The following TIA1 variants were observed in gnomAD, a reference collection of about 807,000 sequenced individuals.
The protein encoded by TIA1 is TIA1 cytotoxic granule associated RNA binding protein.
Under a neutral mutation model 65.9 loss-of-function variants are expected in TIA1, and 23 were observed. That is an observed-to-expected ratio of 0.35 (90% CI 0.25 to 0.49). The LOEUF (loss-of-function observed/expected upper bound fraction) is 0.49, where lower values mean the gene tolerates loss of function less well. Among genes scored for constraint, TIA1 ranks in the 20% least tolerant of loss-of-function variants. The pLI, the probability that TIA1 is intolerant of heterozygous loss-of-function variation, is 0.98. For synonymous variants in TIA1, 147 were observed against 149.4 expected, an observed-to-expected ratio of 0.98 and a Z score of 0.12; for missense variants, 371 against 477.9, an observed-to-expected ratio of 0.78 and a Z score of 2.09.
intron 7 of TIA1, among the ~76,000 whole-genome samples, chr2:70,221,872 C>T (rs2104180513): frequency 6.6e-6 from 1 of 151,994 alleles, no homozygotes; most frequent in South Asian, 2.1e-4. Context: ...ACTGGATCCT[C>T]AACTTCCTGG....
intron 2 of TIA1, among the ~76,000 whole-genome samples, chr2:70,234,873 T>C (rs762426975): frequency 6.6e-6 from 1 of 152,024 alleles, no homozygotes; most frequent in Non-Finnish European, 1.5e-5. Flanking sequence ...TAATTACTTT[T>C]AAAAATATTA....
At chr2:70,238,260 GTTTTTTT>G (rs763865705) in intron 1 of TIA1, among the ~76,000 whole-genome samples, 6 of 94,596 alleles carry the variant, frequency 6.3e-5, no homozygotes, top group South Asian at 3.5e-4. Flanking sequence ...GTTCCCCCAA[GTTTTTTT>G]TTTTTTTTTT....
chr2:70,218,777 G>T (rs1451824542), intron 7 of TIA1, among the ~76,000 whole-genome samples: 1 of 152,208 alleles, frequency 6.6e-6, no homozygotes, highest in African/African-American at 2.4e-5. Context: ...TTAGGATAAT[G>T]GGTAGTAAGG....
chr2:70,233,888 T>G (rs1044059486), intron 2 of TIA1, among the ~76,000 whole-genome samples: 2 of 152,158 alleles, frequency 1.3e-5, no homozygotes, highest in African/African-American at 4.8e-5. Flanking sequence ...TATATACATA[T>G]TATCAGTCCA....
At chr2:70,216,084 T>C (rs1678522884) in intron 10 of TIA1, 124 bp downstream of exon 10, 1 of 966,802 alleles carries the variant, frequency 1.0e-6, no homozygotes, top group African/African-American at 1.7e-5. Context: ...CAAGGTAAAT[T>C]TTTAAGAAAA....
chr2:70,222,441 AG>A (rs1473284733), intron 7 of TIA1, among the ~76,000 whole-genome samples: 2 of 152,220 alleles, frequency 1.3e-5, no homozygotes, highest in African/African-American at 4.8e-5. Flanking sequence ...ATTTTGGGGT[AG>A]GCAGAGAAGC....
intron 7 of TIA1, among the ~76,000 whole-genome samples, chr2:70,220,187 A>G (rs1393270846): frequency 6.6e-6 from 1 of 152,082 alleles, no homozygotes; most frequent in Admixed American, 6.5e-5. Flanking sequence ...AGGCAGGTGG[A>G]TCATGAGCCC....
intron 2 of TIA1, 76 bp from the exon 3 acceptor site, chr2:70,230,930 T>A: frequency 9.0e-7 from 1 of 1,108,206 alleles, no homozygotes; most frequent in East Asian, 2.5e-5. Context: ...AAAAAAAAAA[T>A]CTTAAACCAA....
intron 1 of TIA1, among the ~76,000 whole-genome samples, chr2:70,240,121 G>T (rs1691018781): frequency 6.6e-6 from 1 of 152,006 alleles, no homozygotes; most frequent in Non-Finnish European, 1.5e-5. Flanking sequence ...AATTGCAAAG[G>T]GAAAACCTTA....
At position 70,224,652 on chromosome 2, in the gene TIA1, G is replaced by A. The variant is rs76438450; in HGVS notation, c.399-23C>T. 7.2e-3 allele frequency: 11,666 copies of A among 1,611,922 alleles called. 792 individuals carry two copies. In the African/African-American group the frequency reaches 0.14, roughly 19 times the overall value. ...TCTCTGAAATCAGAAACAATCAGAA[G>A]TTTAGGTTTGCAAACTATCCTCTGG... On this transcript the variant is annotated intron_variant, in intron 6 of 12. Coordinates refer to ENST00000433529, the MANE Select transcript of TIA1 (RefSeq NM_022173.4).
In TIA1 at chr2:70,245,246, C is replaced by G. The variant is rs143063130; in HGVS notation, c.26+3159G>C. On this transcript the variant is annotated intron_variant, in intron 1 of 12. Coordinates refer to ENST00000433529, the MANE Select transcript of TIA1 (RefSeq NM_022173.4). Reference sequence around the variant, plus strand: ...AGGTGATCCACTCACCTCGGCTTCCCAAAGTGCTGGGATTACAGGTGTGAG... The same window carrying G: ...AGGTGATCCACTCACCTCGGCTTCCGAAAGTGCTGGGATTACAGGTGTGAG... Among the ~76,000 whole-genome samples the G allele has an allele frequency of 4.0e-3, 610 of 152,286 alleles. 1 individual carries two copies. Among genetic ancestry groups the G allele is most frequent in the African/African-American group, 0.013 (531 of 41,566 alleles).
chr2:70,229,225 A>G (rs748651080), intron 4 of TIA1, 39 bp downstream of exon 4: 13 of 1,610,860 alleles, frequency 8.1e-6, no homozygotes, highest in Non-Finnish European at 1.0e-5. Context: ...TACTGGGTAC[A>G]ATAAAAACAA....
intron 7 of TIA1, among the ~76,000 whole-genome samples, chr2:70,217,430 C>T (rs745354343): frequency 6.6e-6 from 1 of 151,798 alleles, no homozygotes; most frequent in Non-Finnish European, 1.5e-5. Flanking sequence ...TTAAGTCTCG[C>T]TCTGTGGCCC....
chr2:70,216,398 C>T lies in TIA1; in HGVS notation c.679+6G>A, dbSNP rs377016876. The T allele has an allele frequency of 1.2e-6, 2 of 1,608,404 alleles. No homozygotes were observed. Among genetic ancestry groups the T allele is most frequent in the African/African-American group, 2.7e-5 (2 of 74,692 alleles). ...AATTAATGCCACACAGGGAAGGCTCCCATACCTGTTAGCCCAGAAGTAACA... is the reference window on the plus strand; with the variant it reads ...AATTAATGCCACACAGGGAAGGCTCTCATACCTGTTAGCCCAGAAGTAACA... On this transcript the variant is annotated splice_donor_region_variant and intron_variant, in intron 9 of 12. Coordinates refer to ENST00000433529, the MANE Select transcript of TIA1 (RefSeq NM_022173.4).
chr2:70,214,808 T>C (rs1424851365), intron 11 of TIA1, among the ~76,000 whole-genome samples: 1 of 152,232 alleles, frequency 6.6e-6, no homozygotes, highest in Non-Finnish European at 1.5e-5. Context: ...ACTATCTACA[T>C]GATTGTTTCC....
At chr2:70,244,804 C>T (rs1327722700) in intron 1 of TIA1, among the ~76,000 whole-genome samples, 2 of 128,700 alleles carry the variant, frequency 1.6e-5, no homozygotes, top group East Asian at 4.6e-4. Context: ...CACTGCATTC[C>T]AGCCTGGGTG....
At chr2:70,233,764 TA>T (rs528605670) in intron 2 of TIA1, among the ~76,000 whole-genome samples, 243 of 129,512 alleles carry the variant, frequency 1.9e-3, no homozygotes, top group Non-Finnish European at 1.8e-3. Context: ...AGACTCTGTC[TA>T]AAAAAAAAAA....
At chr2:70,232,536 G>T in intron 2 of TIA1, among the ~76,000 whole-genome samples, 1 of 55,434 alleles carries the variant, frequency 1.8e-5, no homozygotes, top group East Asian at 6.9e-4. Context: ...GTGAAACTCT[G>T]TCTCAAAAAA....
chr2:70,228,373 A>G, intron 5 of TIA1: 1 of 1,288,478 alleles, frequency 7.8e-7, no homozygotes, highest in Non-Finnish European at 1.0e-6. Context: ...ATGTTAAAGT[A>G]TTTGACAGTT....
Sources: gnomAD v4.1 joint callset for allele counts (sites outside exome capture counted in the v4.1 genomes callset) on GRCh38, gnomAD v4.1.1 for gene constraint, MANE v1.5 for transcripts, NCBI Gene and HGNC (gene_info 2026-07-23, HGNC 2026-07-21) for gene names.